Variants in PDSS1 observed in about 807,000 individuals in gnomAD.
PDSS1 encodes the protein decaprenyl diphosphate synthase subunit 1, also known as all trans-polyprenyl-diphosphate synthase PDSS1.
A neutral mutation model predicts 57.5 loss-of-function variants in PDSS1; 43 were observed. That is an observed-to-expected ratio of 0.75 (90% confidence interval 0.59 to 0.96). The LOEUF (loss-of-function observed/expected upper bound fraction) is 0.96. PDSS1 is among the 50% of genes least tolerant of loss of function. The pLI is 0.00. For synonymous variants in PDSS1, 175 were observed against 191.3 expected, an observed-to-expected ratio of 0.91 and a Z score of 0.70; for missense variants, 438 against 527.8, an observed-to-expected ratio of 0.83 and a Z score of 1.67.
In PDSS1 at chr10:26,704,724, T is replaced by C. The variant is rs565833208; in HGVS notation, c.210T>C (p.Asn70=). 9.1e-6 allele frequency: 13 copies of C among 1,435,774 alleles called. 1 individual carries two copies. The South Asian group carries it at 1.3e-4, about 14-fold the overall frequency. The allele number at this position is 1,435,774 out of a possible 1,614,324, so 88.9% of individuals were successfully genotyped here. A position where few individuals can be genotyped will look rare whatever the true frequency, so the allele number is the denominator to read the frequency against. ...LVKHLTSACP[N]VCRISRFHHT... ...AGCATTTAACATCTGCCTGTCCAAA[T>C]GTATGTCGTATATCACGGTAAGTTT... Residue 70 remains asparagine, a synonymous_variant, in exon 3 of 12, where the codon AAT becomes AAC. Coordinates refer to ENST00000376215, the MANE Select transcript of PDSS1 (RefSeq NM_014317.5).
chr10:26,732,671 C>T (rs190503779), intron 8 of PDSS1, among the ~76,000 whole-genome samples: 139 of 152,358 alleles, frequency 9.1e-4, no homozygotes, highest in African/African-American at 3.2e-3. Flanking sequence ...ACTCTCAGAA[C>T]AGTGCCTAGC....
At chr10:26,698,021 G>C (rs1049225520) in intron 1 of PDSS1, among the ~76,000 whole-genome samples, 181 bp downstream of exon 1, 3 of 151,954 alleles carry the variant, frequency 2.0e-5, no homozygotes, top group African/African-American at 7.2e-5. Flanking sequence ...GGACGGAGCC[G>C]CGCGTTGGAC....
chr10:26,720,602 A>T (rs921287700), intron 6 of PDSS1, among the ~76,000 whole-genome samples: 65 of 152,268 alleles, frequency 4.3e-4, no homozygotes, highest in African/African-American at 1.5e-3. Context: ...AAGGAAAGGG[A>T]TTTTCATGGG....
At chr10:26,704,887 C>G in intron 3 of PDSS1, 146 bp downstream of exon 3, 2 of 639,470 alleles carry the variant, frequency 3.1e-6, no homozygotes, top group South Asian at 3.6e-5. Flanking sequence ...TCCTCCCACC[C>G]TCAGGTTCCC....
At chr10:26,735,713 T>C (rs1836372804) in intron 10 of PDSS1, 134 bp downstream of exon 10, 3 of 707,902 alleles carry the variant, frequency 4.2e-6, no homozygotes, top group Non-Finnish European at 7.8e-6. Flanking sequence ...CAGGTCTGCA[T>C]TTGATCCTGG....
At chr10:26,734,253 G>A (rs1046057067) in intron 8 of PDSS1, among the ~76,000 whole-genome samples, 6 of 152,250 alleles carry the variant, frequency 3.9e-5, no homozygotes, top group East Asian at 1.9e-4. Context: ...GAGCCACAGA[G>A]GCACGACCGA....
chr10:26,719,890 A>T (rs1364857902), intron 5 of PDSS1, among the ~76,000 whole-genome samples: 4 of 152,226 alleles, frequency 2.6e-5, no homozygotes, highest in African/African-American at 9.6e-5. Flanking sequence ...AAACTTATAA[A>T]CTTAAACACC....
intron 10 of PDSS1, among the ~76,000 whole-genome samples, chr10:26,741,262 A>G (rs1010643141): frequency 2.0e-5 from 3 of 152,148 alleles, no homozygotes; most frequent in Non-Finnish European, 4.4e-5. Context: ...AGGTGGACAG[A>G]TCACCTGAGG....
chr10:26,704,648 A>T, intron 2 of PDSS1, 29 bp from the exon 3 acceptor site: 1 of 926,568 alleles, frequency 1.1e-6, no homozygotes, highest in Non-Finnish European at 1.8e-6. Context: ...GAATATTCTT[A>T]CAAGTTTCTT....
At chr10:26,715,725 A>G (rs897003287) in intron 5 of PDSS1, 1 of 152,060 alleles carries the variant, frequency 6.6e-6, no homozygotes, top group Admixed American at 6.6e-5. Flanking sequence ...CCCATCCCCA[A>G]TTTGAAAGAA....
chr10:26,741,646 T>C (rs1045183829), intron 10 of PDSS1, among the ~76,000 whole-genome samples: 5 of 152,186 alleles, frequency 3.3e-5, no homozygotes, highest in African/African-American at 1.2e-4. Flanking sequence ...AGCTTTCAGT[T>C]GGTAATCAAT....
At chr10:26,732,725 C>G (rs1395662478) in intron 8 of PDSS1, among the ~76,000 whole-genome samples, 1 of 152,228 alleles carries the variant, frequency 6.6e-6, no homozygotes, top group Non-Finnish European at 1.5e-5. Flanking sequence ...TCATCACCAA[C>G]CACATAATCC....
intron 10 of PDSS1, 65 bp from the exon 11 acceptor site, chr10:26,742,432 A>G: frequency 8.7e-7 from 1 of 1,155,354 alleles, no homozygotes; most frequent in African/African-American, 1.5e-5. Flanking sequence ...AACTAGTGTT[A>G]GAACACTTGT....
Position 26,710,111 on chromosome 10 carries a change from G to A in PDSS1, c.467+343G>A, listed in dbSNP as rs370308558. Among the ~76,000 whole-genome samples the A allele has an allele frequency of 1.9e-3, 249 of 133,022 alleles. 2 individuals carry two copies. Among genetic ancestry groups the A allele is most frequent in the African/African-American group, 7.1e-3 (237 of 33,522 alleles). 87.3% of individuals were successfully genotyped at this position (133,022 alleles called of 152,430 possible). On this transcript the variant is annotated intron_variant, in intron 5 of 11. Coordinates refer to ENST00000376215, the MANE Select transcript of PDSS1 (RefSeq NM_014317.5). ...GGAGGTTGCAGTGAGCTGAGATCAC[G>A]CCATTGCACTCCAGCCTGGGCGACA...
intron 8 of PDSS1, among the ~76,000 whole-genome samples, chr10:26,728,840 G>A (rs1836063380): frequency 7.2e-6 from 1 of 138,776 alleles, no homozygotes; most frequent in South Asian, 2.3e-4. Flanking sequence ...GTGCAGTGGT[G>A]CAATCTCAGC....
chr10:26,727,919 G>C (rs1218154929), intron 8 of PDSS1, among the ~76,000 whole-genome samples: 1 of 152,082 alleles, frequency 6.6e-6, no homozygotes, highest in Non-Finnish European at 1.5e-5. Flanking sequence ...GGGCTTCTCT[G>C]ATACTTCTCA....
At chr10:26,710,309 G>C (rs1256578351) in intron 5 of PDSS1, among the ~76,000 whole-genome samples, 1 of 82,048 alleles carries the variant, frequency 1.2e-5, no homozygotes, top group East Asian at 3.0e-4. Context: ...GCAGTGGTGT[G>C]ATCTCGGCTC....
At chr10:26,715,754 A>G (rs1026909304) in intron 5 of PDSS1, 1 of 152,246 alleles carries the variant, frequency 6.6e-6, no homozygotes, top group African/African-American at 2.4e-5. Flanking sequence ...TGGTTAGTCC[A>G]TAGTACCCTG....
At chr10:26,737,693 A>G (rs2132306709) in intron 10 of PDSS1, among the ~76,000 whole-genome samples, 1 of 135,634 alleles carries the variant, frequency 7.4e-6, no homozygotes, top group African/African-American at 2.8e-5. Context: ...ACTGCACTCC[A>G]GCCTGGGTGA....
Sources: gnomAD v4.1 joint callset for allele counts (sites outside exome capture counted in the v4.1 genomes callset) on GRCh38, gnomAD v4.1.1 for gene constraint, MANE v1.5 for transcripts, NCBI Gene and HGNC (gene_info 2026-07-23, HGNC 2026-07-21) for gene names.